MAML3: variants seen among roughly 807,000 people sequenced by gnomAD.
The protein encoded by MAML3 is mastermind like transcriptional coactivator 3, also known as mastermind-like protein 3.
In MAML3, 27 loss-of-function variants were observed where a neutral mutation model predicts 101.9. The observed-to-expected ratio is 0.27, with a 90% CI of 0.20 to 0.37. The LOEUF (loss-of-function observed/expected upper bound fraction) is 0.37. MAML3 is among the 10% of genes least tolerant of loss of function. MAML3 has a pLI of 1.00. For synonymous variants in MAML3, 501 were observed against 555.9 expected (o/e 0.90, Z 1.39); for missense variants, 1,316 against 1,444.9 (o/e 0.91, Z 1.45).
Position 139,890,623 on chromosome 4 carries a change from G to A in MAML3, c.813C>T (p.Ser271=), listed in dbSNP as rs766363821. 2 of 1,613,824 alleles carry A rather than the reference G, an allele frequency of 1.2e-6. No homozygotes were observed. Among genetic ancestry groups the A allele is most frequent in the African/African-American group, 2.7e-5 (2 of 74,918 alleles). ...DLEDSFTILQ[S]KDLKQEPLDD... is the part of the protein sequence containing the mutation. ...CGAGAGGTTCTTGTTTGAGGTCTTT[G>A]CTCTGCAAGATGGTGAAGCTATCCT... The change falls in exon 2 of 5, where the codon AGC becomes AGT. Residue 271 remains serine (S), a synonymous_variant. Transcript: ENST00000509479. The surrounding 1 kb of genome is among the most constrained non-coding windows in gnomAD (Gnocchi z 4.1).
chr4:140,083,456 C>T (rs1727895343), intron 1 of MAML3, among the ~76,000 whole-genome samples: 1 of 152,160 alleles, frequency 6.6e-6, no homozygotes, highest in East Asian at 1.9e-4. Flanking sequence ...TCAGGAGCAT[C>T]TAATATGGAA....
In MAML3 at chr4:139,889,942, C is replaced by CTGCTGCTGCTGT. The variant is rs1560826299; in HGVS notation, c.1493_1494insACAGCAGCAGCA (p.Gln507_Gln510dup). 6.6e-5 allele frequency: 11 copies of CTGCTGCTGCTGT among 165,714 alleles called. No homozygotes were observed. The highest frequency in any genetic ancestry group is 1.4e-4 in the South Asian group (1 of 7,048). The allele number at this position is 165,714 out of a possible 1,614,324, so 10.3% of individuals were successfully genotyped here. On this transcript the variant is annotated inframe_insertion, in exon 2 of 5. Coordinates refer to ENST00000509479, the MANE Select transcript of MAML3 (RefSeq NM_018717.5). ...GCTGCTGCTGCTGCTGCTGCTGCTG[C>CTGCTGCTGCTGT]TGCTGCTGCTGCTGCTGCTGCTGCT...
chr4:139,925,599 T>C (rs1733207169), intron 1 of MAML3, among the ~76,000 whole-genome samples: 1 of 152,002 alleles, frequency 6.6e-6, no homozygotes, highest in South Asian at 2.1e-4. Flanking sequence ...ACTGAGAGTA[T>C]AAAAATAAGG....
intron 2 of MAML3, among the ~76,000 whole-genome samples, chr4:139,871,410 C>T (rs1031655338): frequency 5.9e-5 from 9 of 152,168 alleles, no homozygotes; most frequent in Non-Finnish European, 1.0e-4. Context: ...TCAAATTTGA[C>T]GCCTTTCTTC....
At chr4:140,055,707 C>T (rs1312418190) in intron 1 of MAML3, among the ~76,000 whole-genome samples, 1 of 152,128 alleles carries the variant, frequency 6.6e-6, no homozygotes, top group Non-Finnish European at 1.5e-5. Context: ...CAAAATTACA[C>T]ATCATGAGTT....
chr4:139,784,667 G>A (rs1200306769), intron 2 of MAML3, among the ~76,000 whole-genome samples: 1 of 152,108 alleles, frequency 6.6e-6, no homozygotes, highest in East Asian at 1.9e-4. Flanking sequence ...TTCCCACTTA[G>A]TCCCCCAATG....
intron 1 of MAML3, among the ~76,000 whole-genome samples, chr4:140,119,282 G>C (rs900861945): frequency 1.1e-4 from 16 of 152,298 alleles, no homozygotes; most frequent in African/African-American, 3.4e-4. Context: ...AGGTGCGCTT[G>C]AAATGGCATT....
At chr4:139,929,372 T>C (rs1433968287) in intron 1 of MAML3, among the ~76,000 whole-genome samples, 1 of 152,236 alleles carries the variant, frequency 6.6e-6, no homozygotes, top group African/African-American at 2.4e-5. Flanking sequence ...CACAGCGGTA[T>C]TTTCTTTGAA....
intron 1 of MAML3, among the ~76,000 whole-genome samples, chr4:139,934,123 G>A (rs573606282): frequency 9.2e-5 from 14 of 152,170 alleles, no homozygotes; most frequent in East Asian, 1.9e-4. Context: ...GTGTGAATAC[G>A]TGTATGTGTG....
At chr4:139,753,430 C>T (rs751021187) in intron 2 of MAML3, among the ~76,000 whole-genome samples, 2 of 150,986 alleles carry the variant, frequency 1.3e-5, no homozygotes, top group African/African-American at 2.4e-5. Flanking sequence ...GGTATTGATA[C>T]AAATTTGGAA....
At position 139,889,484 on chromosome 4, in the gene MAML3, GGCT is replaced by G. The variant is rs533638458; in HGVS notation, c.1949_1951del (p.Gln650del). 697 of 1,258,638 alleles carry G rather than the reference GGCT, an allele frequency of 5.5e-4. No homozygotes were observed. Among genetic ancestry groups the G allele is most frequent in the Admixed American group, 7.1e-4 (36 of 50,778 alleles). The allele number at this position is 1,258,638 out of a possible 1,614,324, so 78.0% of individuals were successfully genotyped here. On this transcript the variant is annotated inframe_deletion, in exon 2 of 5. Transcript: ENST00000509479. Reference sequence around the variant, plus strand: ...GGGGGCCTGGAGCTGTGGAGGTGGCGGCTGCTGCTGCTGCTGCTGCTGCTGTTG... The same window carrying G: ...GGGGGCCTGGAGCTGTGGAGGTGGCGGCTGCTGCTGCTGCTGCTGCTGTTG...
At chr4:139,840,223 C>T (rs902380089) in intron 2 of MAML3, among the ~76,000 whole-genome samples, 5 of 152,128 alleles carry the variant, frequency 3.3e-5, no homozygotes, top group Non-Finnish European at 7.4e-5. Context: ...ACGTACTGGG[C>T]ATACAGAAAA....
At chr4:140,045,042 T>C (rs1323962547) in intron 1 of MAML3, among the ~76,000 whole-genome samples, 1 of 152,174 alleles carries the variant, frequency 6.6e-6, no homozygotes, top group Non-Finnish European at 1.5e-5. Context: ...GAGAAAGAGA[T>C]AAGCCTTGTT....
At chr4:140,113,264 G>C (rs1020073149) in intron 1 of MAML3, among the ~76,000 whole-genome samples, 1 of 152,036 alleles carries the variant, frequency 6.6e-6, no homozygotes, top group Non-Finnish European at 1.5e-5. Flanking sequence ...GGGTGACAGA[G>C]CAAGACTCGG....
At chr4:140,117,523 G>GT (rs528957650) in intron 1 of MAML3, among the ~76,000 whole-genome samples, 481 of 152,092 alleles carry the variant, frequency 3.2e-3, no homozygotes, top group Non-Finnish European at 4.3e-3. Context: ...TTCCAAATCA[G>GT]TTTTTTATAC....
chr4:139,832,093 C>CTTTTTTTTTTT (rs1337533072), intron 2 of MAML3, among the ~76,000 whole-genome samples: 1 of 98,406 alleles, frequency 1.0e-5, no homozygotes, highest in Non-Finnish European at 2.3e-5. Context: ...ATGCCCAGCC[C>CTTTTTTTTTTT]CTTTTTTTTT....
In MAML3 at chr4:139,939,412, G is replaced by A. The variant is rs147105449; in HGVS notation, c.469-48445C>T. Among the ~76,000 whole-genome samples the A allele has an allele frequency of 1.7e-3, 255 of 152,082 alleles. 2 individuals carry two copies. Among genetic ancestry groups the A allele is most frequent in the African/African-American group, 5.7e-3 (237 of 41,478 alleles). ...TACTGCCTGAGGCCCAATCTTCTGG[G>A]CACTCCTTGGATTCCCACCATGTCT... On this transcript the variant is annotated intron_variant, in intron 1 of 4. Transcript: ENST00000509479.
intron 2 of MAML3, among the ~76,000 whole-genome samples, chr4:139,779,652 G>T (rs979944005): frequency 2.0e-5 from 3 of 152,228 alleles, no homozygotes; most frequent in Non-Finnish European, 4.4e-5. Context: ...CCATAGGATA[G>T]GAGGACAGAC....
At chr4:140,009,176 ATTG>A in intron 1 of MAML3, among the ~76,000 whole-genome samples, 1 of 152,282 alleles carries the variant, frequency 6.6e-6, no homozygotes, top group African/African-American at 2.4e-5. Flanking sequence ...GCCTGTGCCT[ATTG>A]TTACAAGTCA....
Sources: allele counts gnomAD v4.1 joint callset (sites outside exome capture counted in the v4.1 genomes callset), GRCh38; gene constraint gnomAD v4.1.1; non-coding constraint Gnocchi (gnomAD v3.1); transcripts MANE v1.5; gene names NCBI Gene and HGNC (gene_info 2026-07-23, HGNC 2026-07-21).